SPON2: variants seen among roughly 807,000 people sequenced by gnomAD.
SPON2 encodes the protein spondin-2.
SPON2 carries 32 observed loss-of-function variants against 29.9 expected under a neutral mutation model. The ratio of observed to expected loss-of-function variants is 1.07; its 90% CI spans 0.81 to 1.44. The LOEUF (loss-of-function observed/expected upper bound fraction) is 1.44. SPON2 is among the 40% of genes most tolerant of loss of function. The pLI is 0.00. For missense variants in SPON2, 541 were observed against 455.5 expected (o/e 1.19, Z -1.71); for synonymous variants, 248 against 209.1 (o/e 1.19, Z -1.61).
chr4:1,205,914 G>A (rs1487997124), intron 1 of SPON2, among the ~76,000 whole-genome samples: 2 of 152,138 alleles, frequency 1.3e-5, no homozygotes, highest in African/African-American at 2.4e-5. Context: ...GGTTGGGGCC[G>A]CAGGAAGCCA....
chr4:1,187,445 G>A (rs142536783), intron 1 of SPON2, among the ~76,000 whole-genome samples: 2 of 152,304 alleles, frequency 1.3e-5, no homozygotes, highest in East Asian at 1.9e-4. Flanking sequence ...GATGGATGGG[G>A]TGACGTTTAT....
At chr4:1,206,808 G>A (rs907183436) in intron 1 of SPON2, among the ~76,000 whole-genome samples, 1 of 152,144 alleles carries the variant, frequency 6.6e-6, no homozygotes, top group Non-Finnish European at 1.5e-5. Context: ...GTGTGGGGTA[G>A]GTGTAAAAGC....
upstream of SPON2, among the ~76,000 whole-genome samples, chr4:1,174,486 C>CAAAAAAA (rs59532169): frequency 1.4e-3 from 129 of 94,164 alleles, no homozygotes; most frequent in African/African-American, 2.5e-3. Flanking sequence ...GACTCCATCT[C>CAAAAAAA]AAAAAAAAAA....
chr4:1,169,545 T>C (rs758291244), intron 5 of SPON2, among the ~76,000 whole-genome samples: 1 of 152,100 alleles, frequency 6.6e-6, no homozygotes, highest in Non-Finnish European at 1.5e-5. Context: ...AGCTTGTAAT[T>C]ACTGCTGCTC....
upstream of SPON2, chr4:1,173,231 G>C (rs1286861847): frequency 6.6e-6 from 1 of 152,432 alleles, no homozygotes; most frequent in East Asian, 1.9e-4. Flanking sequence ...TGGGGCCCTG[G>C]CTTTAAGTCT....
At chr4:1,170,790 GTCC>G (rs1560201047) in intron 4 of SPON2, 1 of 950,528 alleles carries the variant, frequency 1.1e-6, no homozygotes, top group East Asian at 2.6e-5. Context: ...GCGTCCCGCT[GTCC>G]TCCCTGCGGT....
chr4:1,170,245 G>A, intron 5 of SPON2, 157 bp downstream of exon 5: 1 of 724,754 alleles, frequency 1.4e-6, no homozygotes, highest in Non-Finnish European at 2.4e-6. Context: ...TTCAGTGTGT[G>A]AATCAACAGA....
At chr4:1,194,812 A>G (rs1345073353) in intron 1 of SPON2, among the ~76,000 whole-genome samples, 2 of 151,952 alleles carry the variant, frequency 1.3e-5, no homozygotes, top group Non-Finnish European at 2.9e-5. Context: ...TGCCTGGCAG[A>G]GGCCTCACCT....
upstream of SPON2, among the ~76,000 whole-genome samples, chr4:1,175,485 T>C (rs62293577): frequency 0.13 from 20,045 of 152,080 alleles, 1,331 homozygotes; most frequent in East Asian, 0.18. Context: ...CTGGGGGGTC[T>C]CCAGCTAGGA....
intron 1 of SPON2, among the ~76,000 whole-genome samples, chr4:1,187,503 C>A (rs1727827833): frequency 6.6e-6 from 1 of 152,286 alleles, no homozygotes; most frequent in African/African-American, 2.4e-5. Context: ...TTTAAAATGG[C>A]TAAGATGGTA....
upstream of SPON2, among the ~76,000 whole-genome samples, chr4:1,177,810 C>T (rs1390637209): frequency 6.6e-6 from 1 of 152,162 alleles, no homozygotes; most frequent in Non-Finnish European, 1.5e-5. Context: ...AGCTCCTGGC[C>T]ACATCTGCTG....
chr4:1,203,395 T>C (rs981451878), intron 1 of SPON2, among the ~76,000 whole-genome samples: 1 of 152,126 alleles, frequency 6.6e-6, no homozygotes, highest in East Asian at 1.9e-4. Flanking sequence ...ACTTGGCAAA[T>C]GTTTGCGAGG....
At chr4:1,175,579 C>G, upstream of SPON2, among the ~76,000 whole-genome samples, 1 of 144,650 alleles carries the variant, frequency 6.9e-6, no homozygotes, top group South Asian at 2.2e-4. Flanking sequence ...GGGGGAGTCT[C>G]CAGCTAAGAT....
chr4:1,189,638 C>CAAAAAAA (rs61543201), intron 1 of SPON2, among the ~76,000 whole-genome samples: 3 of 60,256 alleles, frequency 5.0e-5, no homozygotes, highest in East Asian at 5.1e-4. Context: ...GACCCTGTCT[C>CAAAAAAA]AAAAAAAAAA....
intron 5 of SPON2, among the ~76,000 whole-genome samples, chr4:1,168,922 C>T (rs998051484): frequency 2.6e-5 from 4 of 152,208 alleles, no homozygotes; most frequent in African/African-American, 7.2e-5. Flanking sequence ...CCTCTGCCCT[C>T]GGGAAGCCAG....
intron 1 of SPON2, chr4:1,201,556 G>A (rs1234453861): frequency 1.3e-5 from 2 of 156,934 alleles, no homozygotes; most frequent in African/African-American, 2.4e-5. Context: ...ACTGAGGTCC[G>A]CGCGCAGTTT....
chr4:1,183,685 T>C (rs80297768), intron 1 of SPON2, among the ~76,000 whole-genome samples: 7,624 of 152,204 alleles, frequency 0.05, 266 homozygotes, highest in Non-Finnish European at 0.07. Flanking sequence ...CTGAAAGAGG[T>C]AGGATAGAGC....
At chr4:1,175,708 G>T (rs1267920455), upstream of SPON2, among the ~76,000 whole-genome samples, 2 of 151,884 alleles carry the variant, frequency 1.3e-5, no homozygotes, top group East Asian at 3.9e-4. Flanking sequence ...CCAGGCCTGG[G>T]GATCTCCAGC....
chr4:1,168,274 A>G (rs1727312569), intron 5 of SPON2: 1 of 152,288 alleles, frequency 6.6e-6, no homozygotes, highest in Non-Finnish European at 1.5e-5. Context: ...CCAGATGGAC[A>G]GTGTTTCTCT....
Sources: gnomAD v4.1 joint callset for allele counts (sites outside exome capture counted in the v4.1 genomes callset) on GRCh38, gnomAD v4.1.1 for gene constraint, MANE v1.5 for transcripts, NCBI Gene and HGNC (gene_info 2026-07-23, HGNC 2026-07-21) for gene names.